Variants in CLEC6A observed in about 807,000 individuals in gnomAD.
The protein encoded by CLEC6A is C-type lectin domain containing 6A.
In CLEC6A, 22 loss-of-function variants were observed where a neutral mutation model predicts 25.7. That is an observed-to-expected ratio of 0.85 (90% CI 0.61 to 1.22). The LOEUF (loss-of-function observed/expected upper bound fraction) is 1.22. Ranked by LOEUF, CLEC6A falls within the 50% of genes most tolerant of loss-of-function variation. CLEC6A has a pLI of 0.00. For missense variants in CLEC6A, 240 were observed against 236.8 expected, an observed-to-expected ratio of 1.01 and a Z score of -0.09; for synonymous variants, 92 against 76.7, an observed-to-expected ratio of 1.20 and a Z score of -1.04.
intron 4 of CLEC6A, among the ~76,000 whole-genome samples, chr12:8,467,393 G>C (rs998781710): frequency 2.0e-5 from 3 of 152,142 alleles, no homozygotes; most frequent in African/African-American, 7.2e-5. Flanking sequence ...GATTCAACTT[G>C]ATTATTTTGC....
At chr12:8,461,847 G>A (rs890939096) in intron 3 of CLEC6A, among the ~76,000 whole-genome samples, 11 of 152,112 alleles carry the variant, frequency 7.2e-5, no homozygotes, top group African/African-American at 1.9e-4. Context: ...ACCTGCACTC[G>A]ACCTAGGCCA....
At chr12:8,476,835 CAA>C (rs1057318339) in intron 5 of CLEC6A, among the ~76,000 whole-genome samples, 19 of 151,916 alleles carry the variant, frequency 1.3e-4, no homozygotes, top group African/African-American at 4.4e-4. Flanking sequence ...CTTGTAATTC[CAA>C]AAGTTATGTC....
intron 3 of CLEC6A, among the ~76,000 whole-genome samples, chr12:8,464,270 TA>T (rs1348418368): frequency 2.0e-5 from 3 of 151,242 alleles, no homozygotes; most frequent in Non-Finnish European, 2.9e-5. Context: ...TAATGCAAAA[TA>T]AAAAAATAAG....
chr12:8,470,262 A>G (rs1348407649), intron 4 of CLEC6A, among the ~76,000 whole-genome samples: 1 of 152,156 alleles, frequency 6.6e-6, no homozygotes, highest in Non-Finnish European at 1.5e-5. Flanking sequence ...AAGAATGGCC[A>G]TAATCAAAAC....
intron 3 of CLEC6A, among the ~76,000 whole-genome samples, chr12:8,465,247 T>TA (rs1401967387): frequency 6.6e-6 from 1 of 151,620 alleles, no homozygotes; most frequent in Non-Finnish European, 1.5e-5. Context: ...TAGTGACTTT[T>TA]TTTTTTTTTG....
intron 4 of CLEC6A, among the ~76,000 whole-genome samples, chr12:8,471,183 G>A (rs1017630558): frequency 2.0e-5 from 3 of 152,016 alleles, no homozygotes; most frequent in Non-Finnish European, 4.4e-5. Flanking sequence ...TATTATTGGA[G>A]TGGTTTGTAG....
chr12:8,475,976 C>T, intron 4 of CLEC6A, 149 bp from the exon 5 acceptor site: 1 of 512,634 alleles, frequency 2.0e-6, no homozygotes, highest in Non-Finnish European at 3.4e-6. Flanking sequence ...TACTTTTGGC[C>T]TGTACTCCTG....
chr12:8,472,719 C>G (rs1257648035), intron 4 of CLEC6A, among the ~76,000 whole-genome samples: 1 of 152,134 alleles, frequency 6.6e-6, no homozygotes, highest in Non-Finnish European at 1.5e-5. Flanking sequence ...TGCCATCTTA[C>G]TGACATCAGT....
chr12:8,458,050 T>G (rs757168563), intron 2 of CLEC6A, 63 bp downstream of exon 2: 18 of 1,169,406 alleles, frequency 1.5e-5, no homozygotes, highest in Non-Finnish European at 2.3e-5. Flanking sequence ...CATACAGGTT[T>G]CCTAGGATAT....
chr12:8,469,434 A>AT (rs1268543223), intron 4 of CLEC6A, among the ~76,000 whole-genome samples: 3 of 152,216 alleles, frequency 2.0e-5, no homozygotes, highest in Admixed American at 2.0e-4. Context: ...GAAAAAAAAA[A>AT]CCCTAAAATT....
chr12:8,465,568 G>C lies in CLEC6A; in HGVS notation c.308G>C (p.Ser103Thr). The change falls in exon 4 of 6, where the codon AGT (serine) becomes ACT (threonine). Residue 103 changes from serine to threonine, a missense_variant. Coordinates refer to ENST00000382073, the MANE Select transcript of CLEC6A (RefSeq NM_001007033.2). Reference protein sequence around the residue: ...ISSEEKVWSKSEQNCVEMGAH... With the variant: ...ISSEEKVWSKTEQNCVEMGAH... ...AGTGAAGAGAAGGTTTGGTCTAAGAGTGAGCAGAACTGTGTTGAGATGGGA... is the reference window on the plus strand; with the variant it reads ...AGTGAAGAGAAGGTTTGGTCTAAGACTGAGCAGAACTGTGTTGAGATGGGA... The C allele has an allele frequency of 6.2e-7, 1 of 1,614,096 alleles. No individual in the cohort carries two copies. The highest frequency in any genetic ancestry group is 1.1e-5 in the South Asian group (1 of 91,084).
In CLEC6A at chr12:8,464,368, C is replaced by A. The variant is rs370290009; in HGVS notation, c.224-1116C>A. ...TTTTTGAGACGGAGTCTCTCTCTGTCGCCCAGGCTGGAGTGCGGTGGTGCA... is the reference window on the plus strand; with the variant it reads ...TTTTTGAGACGGAGTCTCTCTCTGTAGCCCAGGCTGGAGTGCGGTGGTGCA... On this transcript the variant is annotated intron_variant, in intron 3 of 5. Transcript: ENST00000382073. Among the ~76,000 whole-genome samples the A allele has an allele frequency of 2.0e-5, 3 of 149,004 alleles. No homozygotes were observed. In the South Asian group the frequency reaches 6.3e-4, roughly 31 times the overall value.
chr12:8,466,414 T>G (rs1565483131), intron 4 of CLEC6A, among the ~76,000 whole-genome samples: 1 of 152,224 alleles, frequency 6.6e-6, no homozygotes, highest in Non-Finnish European at 1.5e-5. Context: ...CAAGTGGGAT[T>G]GCTGGATCAC....
chr12:8,471,934 T>C (rs912264187), intron 4 of CLEC6A, among the ~76,000 whole-genome samples: 2 of 152,204 alleles, frequency 1.3e-5, no homozygotes, highest in African/African-American at 4.8e-5. Flanking sequence ...CACTTTTCTC[T>C]TGCTGCTTTT....
At chr12:8,470,971 CTGTTCCT>C (rs1253985264) in intron 4 of CLEC6A, among the ~76,000 whole-genome samples, 2 of 152,070 alleles carry the variant, frequency 1.3e-5, no homozygotes, top group Non-Finnish European at 2.9e-5. Context: ...TACTTTCCTT[CTGTTCCT>C]TGTTTGCTGA....
At chr12:8,467,240 T>A (rs1329298306) in intron 4 of CLEC6A, among the ~76,000 whole-genome samples, 1 of 152,232 alleles carries the variant, frequency 6.6e-6, no homozygotes, top group African/African-American at 2.4e-5. Flanking sequence ...TCCCCATGAT[T>A]TTGGTTTCAT....
chr12:8,458,175 G>C (rs926510684), intron 2 of CLEC6A, among the ~76,000 whole-genome samples, 188 bp downstream of exon 2: 14 of 152,082 alleles, frequency 9.2e-5, no homozygotes, highest in African/African-American at 2.9e-4. Context: ...AATTCTTGTA[G>C]ATGTACTTTA....
chr12:8,461,970 C>T (rs980250067), intron 3 of CLEC6A, among the ~76,000 whole-genome samples: 7 of 152,198 alleles, frequency 4.6e-5, no homozygotes, highest in African/African-American at 1.7e-4. Context: ...GTTACTGTGT[C>T]TGTGTAGAAA....
intron 2 of CLEC6A, among the ~76,000 whole-genome samples, chr12:8,458,469 C>T (rs1478314135): frequency 1.3e-5 from 2 of 152,146 alleles, no homozygotes; most frequent in African/African-American, 4.8e-5. Flanking sequence ...CCCTGTTCTG[C>T]TTGCCTCCAA....
Sources: allele counts gnomAD v4.1 joint callset (sites outside exome capture counted in the v4.1 genomes callset), GRCh38; gene constraint gnomAD v4.1.1; transcripts MANE v1.5; gene names NCBI Gene and HGNC (gene_info 2026-07-23, HGNC 2026-07-21).